The following PRKCA variants were observed in gnomAD, a reference collection of about 807,000 sequenced individuals.
PRKCA encodes protein kinase C alpha.
PRKCA carries 27 observed loss-of-function variants against 87.0 expected under a neutral mutation model. The observed-to-expected ratio is 0.31, with a 90% CI of 0.23 to 0.43. The LOEUF is 0.43. Among genes scored for constraint, PRKCA ranks in the 20% least tolerant of loss-of-function variants. The probability of loss-of-function intolerance (pLI) is 1.00; values close to 1 mark genes in which losing one functional copy is unlikely to be tolerated. For missense variants in PRKCA, 518 were observed against 852.3 expected, an observed-to-expected ratio of 0.61 and a Z score of 4.88; for synonymous variants, 329 against 311.1, an observed-to-expected ratio of 1.06 and a Z score of -0.61.
At chr17:66,317,949 A>G (rs1420838208) in intron 2 of PRKCA, among the ~76,000 whole-genome samples, 1 of 152,254 alleles carries the variant, frequency 6.6e-6, no homozygotes, top group Non-Finnish European at 1.5e-5. Context: ...AAATAGCTTA[A>G]AACATGACTG....
At chr17:66,581,918 C>T (rs1969450576) in intron 3 of PRKCA, among the ~76,000 whole-genome samples, 1 of 152,166 alleles carries the variant, frequency 6.6e-6, no homozygotes, top group Admixed American at 6.5e-5. Context: ...CAAGTTTTAA[C>T]TTCTCTGGGT....
At chr17:66,448,482 C>T (rs1218159646) in intron 2 of PRKCA, among the ~76,000 whole-genome samples, 13 of 152,296 alleles carry the variant, frequency 8.5e-5, no homozygotes, top group African/African-American at 2.6e-4. Context: ...GAGGGTGACA[C>T]GTTGCAGTGA....
rs779203207 is a variant in PRKCA, at chr17:66,641,306, CGTG to C, written c.289-46_289-44del. 5.0e-6 allele frequency: 7 copies of C among 1,395,932 alleles called. No homozygotes were observed. The East Asian group carries it at 1.6e-4, about 32-fold the overall frequency. The allele number at this position is 1,395,932 out of a possible 1,614,324, so 86.5% of individuals were successfully genotyped here. A position where few individuals can be genotyped will look rare whatever the true frequency, so the allele number is the denominator to read the frequency against. On this transcript the variant is annotated intron_variant, in intron 3 of 16. Transcript: ENST00000413366. ...GCCTGAGCTTGGCTTAATCTAAAAA[CGTG>C]GTCCTTTCATGACTAAAATGAGCAT...
intron 2 of PRKCA, among the ~76,000 whole-genome samples, chr17:66,344,070 A>G (rs981515088): frequency 6.6e-6 from 1 of 152,144 alleles, no homozygotes; most frequent in Non-Finnish European, 1.5e-5. Context: ...CTCAAGAAAA[A>G]TTAAGAACCA....
chr17:66,743,379 C>T lies in PRKCA; in HGVS notation c.1524+619C>T, dbSNP rs61761557. On this transcript the variant is annotated intron_variant, in intron 13 of 16. Transcript: ENST00000413366. ...GGAATTACTTGTGAAAATACTCTGC[C>T]TGGAAGGCGGGGTGAGACGGGGGTT... is the stretch of plus-strand genomic sequence containing the variant. Among the ~76,000 whole-genome samples, 266 of 152,268 alleles carry T rather than the reference C, an allele frequency of 1.7e-3. 1 individual carries two copies. Among genetic ancestry groups the T allele is most frequent in the African/African-American group, 5.8e-3 (242 of 41,554 alleles).
chr17:66,418,769 T>G (rs1461770819), intron 2 of PRKCA, among the ~76,000 whole-genome samples: 2 of 151,664 alleles, frequency 1.3e-5, no homozygotes, highest in African/African-American at 4.8e-5. Flanking sequence ...GTTTGTTTTT[T>G]AAGAGGGAGT....
chr17:66,683,800 A>G (rs112503711), intron 5 of PRKCA, among the ~76,000 whole-genome samples: 3,362 of 152,162 alleles, frequency 0.022, 126 homozygotes, highest in African/African-American at 0.077. Flanking sequence ...GGGTTTCACC[A>G]TGTTGGCCAG....
chr17:66,346,350 G>A (rs950181231), intron 2 of PRKCA, among the ~76,000 whole-genome samples: 6 of 151,648 alleles, frequency 4.0e-5, no homozygotes, highest in Admixed American at 3.9e-4. Flanking sequence ...GCCCACCTTG[G>A]CCTCCCAAAG....
chr17:66,585,117 C>T (rs1969554111), intron 3 of PRKCA, among the ~76,000 whole-genome samples: 1 of 151,914 alleles, frequency 6.6e-6, no homozygotes, highest in African/African-American at 2.4e-5. Context: ...GTCTGATTTA[C>T]ATAGGGCCCA....
At chr17:66,690,827 C>CA (rs34671486) in intron 8 of PRKCA, among the ~76,000 whole-genome samples, 1,873 of 66,252 alleles carry the variant, frequency 0.028, 47 homozygotes, top group African/African-American at 0.057. Context: ...GACTCTGTCT[C>CA]AAAAAAAAAA....
At chr17:66,584,825 C>G (rs1031122479) in intron 3 of PRKCA, among the ~76,000 whole-genome samples, 1 of 152,118 alleles carries the variant, frequency 6.6e-6, no homozygotes, top group Middle Eastern at 3.2e-3. Flanking sequence ...GATCTTATCT[C>G]GAGGTCTTTA....
At chr17:66,767,483 GC>G in intron 13 of PRKCA, among the ~76,000 whole-genome samples, 1 of 152,250 alleles carries the variant, frequency 6.6e-6, no homozygotes, top group South Asian at 2.1e-4. Context: ...AATTTCTGTT[GC>G]CCTTCTACTT....
chr17:66,647,176 G>A (rs1322819690), intron 5 of PRKCA, among the ~76,000 whole-genome samples: 1 of 152,034 alleles, frequency 6.6e-6, no homozygotes, highest in Non-Finnish European at 1.5e-5. Flanking sequence ...TCCTACTAAG[G>A]CTTCCACATT....
chr17:66,738,551 T>G (rs540255518), intron 10 of PRKCA, among the ~76,000 whole-genome samples: 3 of 152,384 alleles, frequency 2.0e-5, no homozygotes, highest in African/African-American at 7.2e-5. Context: ...TTCAGGGTTA[T>G]GTAATGACTT....
chr17:66,610,320 A>G (rs1232229178), intron 3 of PRKCA, among the ~76,000 whole-genome samples: 2 of 152,208 alleles, frequency 1.3e-5, no homozygotes, highest in East Asian at 3.9e-4. Flanking sequence ...CCCACCATCA[A>G]CAGAGCTTTC....
At chr17:66,404,895 G>A (rs1391519071) in intron 2 of PRKCA, among the ~76,000 whole-genome samples, 1 of 151,700 alleles carries the variant, frequency 6.6e-6, no homozygotes, top group African/African-American at 2.4e-5. Context: ...GATTACAGGC[G>A]CACGCCACCA....
chr17:66,798,440 G>A (rs1410555528), intron 16 of PRKCA, among the ~76,000 whole-genome samples: 23 of 102,904 alleles, frequency 2.2e-4, no homozygotes, highest in East Asian at 5.7e-4. Flanking sequence ...GGTGACGGTG[G>A]TGGTGGTGGT....
chr17:66,793,447 G>T (rs1032221179), intron 16 of PRKCA, among the ~76,000 whole-genome samples: 1 of 151,948 alleles, frequency 6.6e-6, no homozygotes, highest in African/African-American at 2.4e-5. Context: ...AAAATTAGCT[G>T]GGCATGGTAG....
intron 5 of PRKCA, among the ~76,000 whole-genome samples, chr17:66,674,598 C>A (rs1972275744): frequency 6.6e-6 from 1 of 152,102 alleles, no homozygotes; most frequent in Non-Finnish European, 1.5e-5. Context: ...GGCCAGAAGA[C>A]GGAGCGTCAC....
Sources: allele counts gnomAD v4.1 joint callset (sites outside exome capture counted in the v4.1 genomes callset), GRCh38; gene constraint gnomAD v4.1.1; transcripts MANE v1.5; gene names NCBI Gene and HGNC (gene_info 2026-07-23, HGNC 2026-07-21).